The following TRHDE variants were observed in gnomAD, a reference collection of about 807,000 sequenced individuals.
TRHDE encodes thyrotropin releasing hormone degrading enzyme.
A neutral mutation model predicts 125.7 loss-of-function variants in TRHDE; 72 were observed. That is an observed-to-expected ratio of 0.57 (90% CI 0.47 to 0.70). The LOEUF is 0.70. Among genes scored for constraint, TRHDE ranks in the 30% least tolerant of loss-of-function variants. TRHDE has a pLI of 0.00. For missense variants in TRHDE, 1,110 were observed against 1,327.1 expected (o/e 0.84, Z 2.54); for synonymous variants, 509 against 509.1 (o/e 1.00, Z 0.00).
chr12:72,159,340 G>T (rs1876587110), intron 2 of TRHDE, among the ~76,000 whole-genome samples: 1 of 152,172 alleles, frequency 6.6e-6, no homozygotes, highest in Non-Finnish European at 1.5e-5. Flanking sequence ...TGTAGAGGAA[G>T]ATCAGGAAAG....
intron 2 of TRHDE, among the ~76,000 whole-genome samples, chr12:72,201,131 C>G (rs926049725): frequency 2.4e-4 from 36 of 152,090 alleles, no homozygotes; most frequent in South Asian, 1.0e-3. Flanking sequence ...TGGAGTAGAA[C>G]TAGGGAAGAA....
intron 2 of TRHDE, among the ~76,000 whole-genome samples, chr12:72,231,046 TAGATATC>T (rs939171978): frequency 1.3e-5 from 2 of 152,156 alleles, no homozygotes; most frequent in Non-Finnish European, 2.9e-5. Flanking sequence ...TATCAACACT[TAGATATC>T]AGAACTATGT....
At chr12:72,573,821 A>G (rs1325518717) in intron 10 of TRHDE, among the ~76,000 whole-genome samples, 1 of 152,034 alleles carries the variant, frequency 6.6e-6, no homozygotes, top group African/African-American at 2.4e-5. Flanking sequence ...CACTGAAGGC[A>G]GGAGATATAA....
At chr12:72,243,475 A>T (rs1878520271) in intron 2 of TRHDE, among the ~76,000 whole-genome samples, 1 of 152,198 alleles carries the variant, frequency 6.6e-6, no homozygotes, top group African/African-American at 2.4e-5. Context: ...TGAAGAATTC[A>T]TTTTAAAAAA....
chr12:72,355,294 T>C (rs1294016397), intron 2 of TRHDE, among the ~76,000 whole-genome samples: 2 of 151,198 alleles, frequency 1.3e-5, no homozygotes, highest in Non-Finnish European at 3.0e-5. Context: ...TTATGGAGAG[T>C]TGTAGTTAGA....
chr12:72,591,012 T>G (rs1483055101), intron 12 of TRHDE, among the ~76,000 whole-genome samples: 1 of 152,232 alleles, frequency 6.6e-6, no homozygotes, highest in East Asian at 1.9e-4. Flanking sequence ...CAGTTTCACA[T>G]GGCTAGGGAA....
intron 12 of TRHDE, among the ~76,000 whole-genome samples, chr12:72,590,830 G>A (rs1871641858): frequency 6.6e-6 from 1 of 152,010 alleles, no homozygotes; most frequent in Non-Finnish European, 1.5e-5. Context: ...TGATTCAGTT[G>A]GATTTAGGTC....
At chr12:72,549,987 C>A (rs1869600971) in intron 7 of TRHDE, among the ~76,000 whole-genome samples, 1 of 151,556 alleles carries the variant, frequency 6.6e-6, no homozygotes, top group Admixed American at 6.6e-5. Context: ...ATTTAATAAT[C>A]CTGCAGGCAT....
intron 2 of TRHDE, among the ~76,000 whole-genome samples, chr12:72,320,112 T>C (rs931831933): frequency 1.3e-5 from 2 of 152,150 alleles, no homozygotes; most frequent in African/African-American, 4.8e-5. Context: ...ATTTTCTCAA[T>C]TATTTTAGTC....
At chr12:72,310,498 A>G (rs1868494500) in intron 2 of TRHDE, among the ~76,000 whole-genome samples, 3 of 152,212 alleles carry the variant, frequency 2.0e-5, no homozygotes, top group African/African-American at 7.2e-5. Context: ...ATATTTCTAC[A>G]TAATGTATTA....
At chr12:72,167,631 C>T (rs1003082879) in intron 2 of TRHDE, 7 of 152,214 alleles carry the variant, frequency 4.6e-5, no homozygotes, top group African/African-American at 1.7e-4. Context: ...GAATGGCCTA[C>T]TGAAGACTCA....
intron 6 of TRHDE, among the ~76,000 whole-genome samples, chr12:72,519,524 T>C (rs1024300140): frequency 2.6e-5 from 4 of 152,140 alleles, no homozygotes; most frequent in Non-Finnish European, 5.9e-5. Flanking sequence ...TGTGTATTGG[T>C]TATTCTAGTT....
intron 12 of TRHDE, among the ~76,000 whole-genome samples, chr12:72,596,603 G>A (rs557218421): frequency 6.6e-6 from 1 of 152,254 alleles, no homozygotes; most frequent in African/African-American, 2.4e-5. Flanking sequence ...GGTCAGTTCT[G>A]GATAGTATAC....
At chr12:72,533,723 G>GTTTTTTTTTTTTTTTTCTTTTT in intron 6 of TRHDE, among the ~76,000 whole-genome samples, 15 of 97,898 alleles carry the variant, frequency 1.5e-4, no homozygotes, top group Non-Finnish European at 1.8e-4. Flanking sequence ...TTTTCTATTT[G>GTTTTTTTTTTTTTTTTCTTTTT]TTTTTTTTTT....
intron 3 of TRHDE, among the ~76,000 whole-genome samples, chr12:72,419,225 T>G (rs1873850827): frequency 6.6e-6 from 1 of 152,128 alleles, no homozygotes; most frequent in African/African-American, 2.4e-5. Flanking sequence ...TTAAAGAAAC[T>G]GGTCTATTTA....
chr12:72,518,171 C>A (rs188212751), intron 6 of TRHDE, among the ~76,000 whole-genome samples: 3 of 150,668 alleles, frequency 2.0e-5, no homozygotes, highest in African/African-American at 7.4e-5. Flanking sequence ...CTGCTTGGTG[C>A]AGAGCTGAGT....
chr12:72,269,369 C>T (rs570149104), upstream of TRHDE, among the ~76,000 whole-genome samples: 4 of 152,100 alleles, frequency 2.6e-5, no homozygotes, highest in South Asian at 8.3e-4. Context: ...AAGTTGTGTC[C>T]ATTCTATATT....
At chr12:72,417,031 T>C (rs1873758901) in intron 3 of TRHDE, among the ~76,000 whole-genome samples, 1 of 152,090 alleles carries the variant, frequency 6.6e-6, no homozygotes, top group Non-Finnish European at 1.5e-5. Context: ...TGTGTTGTTT[T>C]TAATTTCTTT....
chr12:72,650,502 T>C (rs1874463176), intron 15 of TRHDE, among the ~76,000 whole-genome samples: 1 of 151,994 alleles, frequency 6.6e-6, no homozygotes, highest in Non-Finnish European at 1.5e-5. Context: ...TTCTTGAACA[T>C]TGATATTGGA....
Sources: gnomAD v4.1 joint callset for allele counts (sites outside exome capture counted in the v4.1 genomes callset) on GRCh38, gnomAD v4.1.1 for gene constraint, MANE v1.5 for transcripts, NCBI Gene and HGNC (gene_info 2026-07-23, HGNC 2026-07-21) for gene names.